The following OR2H2 variants were observed in gnomAD, a reference collection of about 807,000 sequenced individuals.
OR2H2 encodes the protein olfactory receptor family 2 subfamily H member 2.
For synonymous variants in OR2H2, 146 were observed against 132.4 expected, an observed-to-expected ratio of 1.10 and a Z score of -0.71; for missense variants, 295 against 313.7, an observed-to-expected ratio of 0.94 and a Z score of 0.45.
At chr6:29,586,958 A>G (rs536506014) in intron 1 of OR2H2, among the ~76,000 whole-genome samples, 3 of 152,012 alleles carry the variant, frequency 2.0e-5, no homozygotes, top group Admixed American at 6.5e-5. Context: ...CTATGCCCCA[A>G]TACATCTCTA....
At position 29,588,452 on chromosome 6, in the gene OR2H2, C is replaced by T. The variant is rs149712943; in HGVS notation, c.508C>T (p.Arg170Trp). The T allele has an allele frequency of 6.4e-5, 86 of 1,339,726 alleles. 1 individual carries two copies. In the African/African-American group the frequency reaches 7.8e-4, roughly 12 times the overall value. 83.0% of individuals were successfully genotyped at this position (1,339,726 alleles called of 1,614,324 possible). Residue 170 changes from arginine to tryptophan, a missense_variant, in exon 2 of 2, where the codon CGG becomes TGG. Physicochemically the swap from Arg to Trp is moderately radical, Grantham distance 101 (BLOSUM62 -3). Coordinates refer to ENST00000641840, the MANE Select transcript of OR2H2 (RefSeq NM_007160.4). ...STLHLPFCPD[R>W]QVDDFVCEVP... ...CCTGCACCTGCCCTTCTGCCCCGATCGGCAGGTGGATGATTTTGTCTGTGA... is the reference window on the plus strand; with the variant it reads ...CCTGCACCTGCCCTTCTGCCCCGATTGGCAGGTGGATGATTTTGTCTGTGA...
At chr6:29,586,286 T>A (rs1309118365) in intron 1 of OR2H2, among the ~76,000 whole-genome samples, 1 of 151,630 alleles carries the variant, frequency 6.6e-6, no homozygotes, top group South Asian at 2.1e-4. Flanking sequence ...AGGTCAGGAG[T>A]CTGAGACCAG....
chr6:29,588,243 T>C lies in OR2H2; in HGVS notation c.299T>C (p.Phe100Ser). Residue 100 changes from phenylalanine to serine, a missense_variant, in exon 2 of 2, where the codon TTC (phenylalanine) becomes TCC (serine). Physicochemically the swap from Phe to Ser is radical, Grantham distance 155. Coordinates refer to ENST00000641840, the MANE Select transcript of OR2H2 (RefSeq NM_007160.4). ...ISFLDCSVQIFIFLSLGTTEC... is the reference protein window; with the variant it reads ...ISFLDCSVQISIFLSLGTTEC... ...TTCCTGGACTGCTCTGTCCAGATCT[T>C]CATCTTCCTGTCCCTGGGGACAACT... 1.3e-6 allele frequency: 2 copies of C among 1,574,510 alleles called. No individual in the cohort carries two copies. The highest frequency in any genetic ancestry group is 1.7e-6 in the Non-Finnish European group (2 of 1,144,882).
chr6:29,589,175 T>C lies in OR2H2; in HGVS notation c.*292T>C, dbSNP rs545440606. 104 of 393,936 alleles carry C rather than the reference T, an allele frequency of 2.6e-4. No individual in the cohort carries two copies. The highest frequency in any genetic ancestry group is 2.0e-3 in the Middle Eastern group (3 of 1,498). 24.4% of individuals were successfully genotyped at this position (393,936 alleles called of 1,614,324 possible). A position where few individuals can be genotyped will look rare whatever the true frequency, so the allele number is the denominator to read the frequency against. Reference sequence around the variant, plus strand: ...CTACCTTTATCACTTCCATTTTTAATTCCCCTCCCTTGCCATATCCCCACT... The same window carrying C: ...CTACCTTTATCACTTCCATTTTTAACTCCCCTCCCTTGCCATATCCCCACT... On this transcript the variant is annotated 3_prime_UTR_variant, in exon 2 of 2. Transcript: ENST00000641840.
intron 1 of OR2H2, chr6:29,587,423 G>GA (rs199925164): frequency 0.018 from 2,690 of 153,104 alleles, 53 homozygotes; most frequent in African/African-American, 0.039. Flanking sequence ...ACTTGCAAAT[G>GA]AAAAAATACA....
At position 29,588,449 on chromosome 6, in the gene OR2H2, G is replaced by A. The variant is rs746880303; in HGVS notation, c.505G>A (p.Asp169Asn). 1.5e-6 allele frequency: 2 copies of A among 1,367,238 alleles called. No homozygotes were observed. The highest frequency in any genetic ancestry group is 2.1e-6 in the Non-Finnish European group (2 of 955,570). The allele number at this position is 1,367,238 out of a possible 1,614,324, so 84.7% of individuals were successfully genotyped here. Residue 169 changes from aspartate (D) to asparagine (N), a missense_variant, in exon 2 of 2, where the codon GAT becomes AAT. Transcript: ENST00000641840. ...PSTLHLPFCP[D>N]RQVDDFVCEV... is the part of the protein sequence containing the mutation. ...CACCCTGCACCTGCCCTTCTGCCCC[G>A]ATCGGCAGGTGGATGATTTTGTCTG...
At position 29,588,550 on chromosome 6, in the gene OR2H2, C is replaced by A; in HGVS notation, c.606C>A (p.Val202=). The part of the protein sequence containing the change: ...YNEIQVAVAS[V]FILVVPLSLI... ...AGATCCAGGTGGCTGTTGCCAGTGT[C>A]TTCATCTTGGTTGTGCCTCTCAGCC... Residue 202 remains valine (V), a synonymous_variant, in exon 2 of 2, where the codon GTC becomes GTA. Transcript: ENST00000641840. The A allele has an allele frequency of 1.0e-6, 1 of 973,968 alleles. No homozygotes were observed. Among genetic ancestry groups the A allele is most frequent in the Non-Finnish European group, 1.7e-6 (1 of 595,854 alleles). The allele number at this position is 973,968 out of a possible 1,614,324, so 60.3% of individuals were successfully genotyped here.
Position 29,588,064 on chromosome 6 carries a change from C to A in OR2H2, c.120C>A (p.Asn40Lys), listed in dbSNP as rs763989675. 5.3e-6 allele frequency: 5 copies of A among 942,074 alleles called. No individual in the cohort carries two copies. Among genetic ancestry groups the A allele is most frequent in the Admixed American group, 5.1e-5 (3 of 59,190 alleles). The allele number at this position is 942,074 out of a possible 1,614,324, so 58.4% of individuals were successfully genotyped here. Residue 40 changes from asparagine (N) to lysine (K), a missense_variant, in exon 2 of 2, where the codon AAC becomes AAA. Physicochemically the swap from Asn to Lys is moderately conservative, Grantham distance 94 (BLOSUM62 0). Coordinates refer to ENST00000641840, the MANE Select transcript of OR2H2 (RefSeq NM_007160.4). Reference sequence around the variant, plus strand: ...CCTACCTCCTAACCCTAGTGGGCAACACACTCATCATCCTGCTGTCTGCGC... The same window carrying A: ...CCTACCTCCTAACCCTAGTGGGCAAAACACTCATCATCCTGCTGTCTGCGC... ...LTSYLLTLVG[N>K]TLIILLSALD...
At chr6:29,586,715 T>C (rs1760281333) in intron 1 of OR2H2, among the ~76,000 whole-genome samples, 1 of 152,118 alleles carries the variant, frequency 6.6e-6, no homozygotes, top group Non-Finnish European at 1.5e-5. Flanking sequence ...ACAGAGACAA[T>C]GGCAGAGAGT....
chr6:29,585,400 C>T (rs1254411450), intron 1 of OR2H2, 50 bp downstream of exon 1: 1 of 152,204 alleles, frequency 6.6e-6, no homozygotes, highest in Non-Finnish European at 1.5e-5. Context: ...TTCCGCCTAT[C>T]CTCAACACTG....
chr6:29,587,654 C>T lies in OR2H2; in HGVS notation c.-275-16C>T. 2.5e-6 allele frequency: 1 copy of T among 400,632 alleles called. No homozygotes were observed. Among genetic ancestry groups the T allele is most frequent in the Non-Finnish European group, 4.4e-6 (1 of 225,548 alleles). The allele number at this position is 400,632 out of a possible 1,614,324, so 24.8% of individuals were successfully genotyped here. A position where few individuals can be genotyped will look rare whatever the true frequency, so the allele number is the denominator to read the frequency against. ...ATTAGTGCATATTTTAATCAGCCTC[C>T]TTTGCCCTCACCCAGGAAGTCAGAG... is the stretch of plus-strand genomic sequence containing the variant. On this transcript the variant is annotated splice_polypyrimidine_tract_variant and intron_variant, in intron 1 of 1. Coordinates refer to ENST00000641840, the MANE Select transcript of OR2H2 (RefSeq NM_007160.4).
At position 29,586,928 on chromosome 6, in the gene OR2H2, C is replaced by T. The variant is rs2127357752; in HGVS notation, c.-275-742C>T. ...GCCAGAGTGGCTTCAGTCTCCCACC[C>T]CCAGCCCTCAACTGACCTTCTATGC... is the stretch of plus-strand genomic sequence containing the variant. On this transcript the variant is annotated intron_variant, in intron 1 of 1. Transcript: ENST00000641840. Among the ~76,000 whole-genome samples, 3 of 152,210 alleles carry T rather than the reference C, an allele frequency of 2.0e-5. No homozygotes were observed. In the South Asian group the frequency reaches 6.2e-4, roughly 32 times the overall value.
Position 29,588,041 on chromosome 6 carries a change from T to A in OR2H2, c.97T>A (p.Tyr33Asn), listed in dbSNP as rs1371743119. 2 of 984,468 alleles carry A rather than the reference T, an allele frequency of 2.0e-6. No homozygotes were observed. Among genetic ancestry groups the A allele is most frequent in the Admixed American group, 3.4e-5 (2 of 59,260 alleles). 61.0% of individuals were successfully genotyped at this position (984,468 alleles called of 1,614,324 possible). A position where few individuals can be genotyped will look rare whatever the true frequency, so the allele number is the denominator to read the frequency against. ...RTLFVVVLTS[Y>N]LLTLVGNTLI... ...TCTCTTCGTGGTTGTCCTCACTTCC[T>A]ACCTCCTAACCCTAGTGGGCAACAC... Residue 33 changes from tyrosine (Y) to asparagine (N), a missense_variant, in exon 2 of 2, where the codon TAC becomes AAC. Physicochemically the swap from Tyr to Asn is moderately radical, Grantham distance 143 (BLOSUM62 -2). Transcript: ENST00000641840.
In OR2H2 at chr6:29,589,063, G is replaced by A; in HGVS notation, c.*180G>A. On this transcript the variant is annotated 3_prime_UTR_variant, in exon 2 of 2. Coordinates refer to ENST00000641840, the MANE Select transcript of OR2H2 (RefSeq NM_007160.4). ...AGACAGCGACTGAAATGTAGTAAAG[G>A]GAGGTATCTTTATGCGAAAAATTAT... is the stretch of plus-strand genomic sequence containing the variant. 1 of 573,000 alleles carries A rather than the reference G, an allele frequency of 1.7e-6. No homozygotes were observed. Among genetic ancestry groups the A allele is most frequent in the Middle Eastern group, 3.7e-4 (1 of 2,716 alleles). 35.5% of individuals were successfully genotyped at this position (573,000 alleles called of 1,614,324 possible). A position where few individuals can be genotyped will look rare whatever the true frequency, so the allele number is the denominator to read the frequency against.
Position 29,589,018 on chromosome 6 carries a change from T to A in OR2H2, c.*135T>A, listed in dbSNP as rs1463717099. 1 of 622,294 alleles carries A rather than the reference T, an allele frequency of 1.6e-6. No individual in the cohort carries two copies. The highest frequency in any genetic ancestry group is 2.7e-5 in the East Asian group (1 of 36,576). The allele number at this position is 622,294 out of a possible 1,614,324, so 38.5% of individuals were successfully genotyped here. On this transcript the variant is annotated 3_prime_UTR_variant, in exon 2 of 2. Coordinates refer to ENST00000641840, the MANE Select transcript of OR2H2 (RefSeq NM_007160.4). ...TGGATGAAAGCCACATGTCTGTGTG[T>A]GTGCATGTATGTGTGCAAGAGACAG...
Position 29,588,723 on chromosome 6 carries a change from C to T in OR2H2, c.779C>T (p.Pro260Leu). The T allele has an allele frequency of 1.4e-6, 2 of 1,478,632 alleles. No homozygotes were observed. The highest frequency in any genetic ancestry group is 1.9e-6 in the Non-Finnish European group (2 of 1,058,486). The allele number at this position is 1,478,632 out of a possible 1,614,324, so 91.6% of individuals were successfully genotyped here. Residue 260 changes from proline (P) to leucine (L), a missense_variant, in exon 2 of 2, where the codon CCC becomes CTC. Transcript: ENST00000641840. ...TCAGTCATTGCTGTCTACCTCCAGC[C>T]CAAAAATCCCTATGCCCAAGAGAGG... is the stretch of plus-strand genomic sequence containing the variant. ...YSSVIAVYLQ[P>L]KNPYAQERGK...
chr6:29,588,151 C>G lies in OR2H2; in HGVS notation c.207C>G (p.Leu69=), dbSNP rs142925976. 4.8e-6 allele frequency: 6 copies of G among 1,240,776 alleles called. No individual in the cohort carries two copies. The highest frequency in any genetic ancestry group is 7.1e-6 in the Non-Finnish European group (6 of 839,734). 76.9% of individuals were successfully genotyped at this position (1,240,776 alleles called of 1,614,324 possible). Reference sequence around the variant, plus strand: ...TCTCCAACCTCTCCTTCTTGGACCTCTGTTTCACCACGAGTTGTGTTCCCC... The same window carrying G: ...TCTCCAACCTCTCCTTCTTGGACCTGTGTTTCACCACGAGTTGTGTTCCCC... ...FFLSNLSFLD[L]CFTTSCVPQM... is the part of the protein sequence containing the mutation. Residue 69 remains leucine, a synonymous_variant, in exon 2 of 2, where the codon CTC becomes CTG. Coordinates refer to ENST00000641840, the MANE Select transcript of OR2H2 (RefSeq NM_007160.4).
At position 29,590,494 on chromosome 6, in the gene OR2H2, A is replaced by G. The variant is rs754048748; in HGVS notation, c.*1611A>G. The G allele has an allele frequency of 6.6e-6, 1 of 152,268 alleles. No individual in the cohort carries two copies. Among genetic ancestry groups the G allele is most frequent in the Non-Finnish European group, 1.5e-5 (1 of 68,046 alleles). The allele number at this position is 152,268 out of a possible 1,614,324, so 9.4% of individuals were successfully genotyped here. The stretch of plus-strand genomic sequence containing the variant: ...AACAACAGAACAATAAAACTTTTGG[A>G]AAAAGTTGTGTTACAGTTCATTGTG... On this transcript the variant is annotated 3_prime_UTR_variant, in exon 2 of 2. Transcript: ENST00000641840.
rs149858703 is a variant in OR2H2, at chr6:29,588,112, A to C, written c.168A>C (p.Pro56=). 1.3e-4 allele frequency: 135 copies of C among 1,006,642 alleles called. No homozygotes were observed. The African/African-American group carries it at 2.0e-3, about 15-fold the overall frequency. 62.4% of individuals were successfully genotyped at this position (1,006,642 alleles called of 1,614,324 possible). The change falls in exon 2 of 2, where the codon CCA becomes CCC. Residue 56 remains proline (P), a synonymous_variant. Coordinates refer to ENST00000641840, the MANE Select transcript of OR2H2 (RefSeq NM_007160.4). Reference sequence around the variant, plus strand: ...CGCTGGACCCCAAGCTCCACTCTCCAATGTACTTTTTCCTCTCCAACCTCT... The same window carrying C: ...CGCTGGACCCCAAGCTCCACTCTCCCATGTACTTTTTCCTCTCCAACCTCT... The part of the protein sequence containing the change: ...LSALDPKLHS[P]MYFFLSNLSF...
Sources: gnomAD v4.1 joint callset for allele counts (sites outside exome capture counted in the v4.1 genomes callset) on GRCh38, gnomAD v4.1.1 for gene constraint, MANE v1.5 for transcripts, NCBI Gene and HGNC (gene_info 2026-07-23, HGNC 2026-07-21) for gene names.